COL21A1: variants seen among roughly 807,000 people sequenced by gnomAD.
COL21A1 encodes the protein collagen type XXI alpha 1 chain, also known as collagen alpha-1(XXI) chain.
A neutral mutation model predicts 137.9 loss-of-function variants in COL21A1; 149 were observed. The observed-to-expected ratio is 1.08, with a 90% CI of 0.95 to 1.24. COL21A1 has a LOEUF of 1.24. Ranked by LOEUF, COL21A1 falls within the 50% of genes most tolerant of loss-of-function variation. The probability of loss-of-function intolerance (pLI) is 0.00; values close to 1 mark genes in which losing one functional copy is unlikely to be tolerated. For missense variants in COL21A1, 1,167 were observed against 1,158.4 expected (o/e 1.01, Z -0.11); for synonymous variants, 456 against 391.5 (o/e 1.16, Z -1.95).
intron 27 of COL21A1, 40 bp from the exon 28 acceptor site, chr6:56,060,258 G>C: frequency 6.9e-7 from 1 of 1,443,982 alleles, no homozygotes; most frequent in African/African-American, 1.4e-5. Flanking sequence ...ATGTTTAAAT[G>C]GTGAGTTGGT....
At chr6:56,325,129 C>A (rs771965920) in intron 1 of COL21A1, among the ~76,000 whole-genome samples, 1 of 148,336 alleles carries the variant, frequency 6.7e-6, no homozygotes, top group Non-Finnish European at 1.5e-5. Context: ...CTTTATTCTA[C>A]ATGAAGCCTC....
At chr6:56,219,240 G>C (rs12193617) in intron 1 of COL21A1, among the ~76,000 whole-genome samples, 9,761 of 62,074 alleles carry the variant, frequency 0.16, 409 homozygotes, top group Middle Eastern at 0.26. Flanking sequence ...AAAAAAAAAA[G>C]GTCACGGTCA....
intron 25 of COL21A1, 157 bp from the exon 26 acceptor site, chr6:56,061,194 G>T: frequency 1.6e-6 from 1 of 636,612 alleles, no homozygotes; most frequent in Non-Finnish European, 2.6e-6. Context: ...GACCAGAAGG[G>T]AAATTTCATG....
intron 10 of COL21A1, among the ~76,000 whole-genome samples, chr6:56,153,329 C>T (rs991948448): frequency 4.6e-5 from 7 of 152,158 alleles, no homozygotes; most frequent in African/African-American, 1.7e-4. Flanking sequence ...ACTCTCCATC[C>T]AGGCCAAGCT....
chr6:56,124,087 C>A lies in COL21A1; in HGVS notation c.1733G>T (p.Gly578Val). The A allele has an allele frequency of 6.5e-7, 1 of 1,532,278 alleles. No individual in the cohort carries two copies. The highest frequency in any genetic ancestry group is 1.3e-5 in the South Asian group (1 of 79,274). 94.9% of individuals were successfully genotyped at this position (1,532,278 alleles called of 1,614,324 possible). A position where few individuals can be genotyped will look rare whatever the true frequency, so the allele number is the denominator to read the frequency against. ...CTTGAAACCGGGACTACCCATTAAT[C>A]CATCCTTTCCATGTCTTCCTGGTTC... ...AGEPGRHGKD[G>V]LMGSPGFKGE... The change falls in exon 16 of 30, where the codon GGA becomes GTA. Residue 578 changes from glycine (G) to valine (V), a missense_variant. By Grantham distance (109) the Gly-to-Val change is moderately radical. Transcript: ENST00000244728.
chr6:56,352,064 T>A (rs1379891350), intron 1 of COL21A1, among the ~76,000 whole-genome samples: 1 of 151,832 alleles, frequency 6.6e-6, no homozygotes, highest in East Asian at 1.9e-4. Context: ...AGCTCAGGAG[T>A]TCAAGACAGC....
chr6:56,079,478 C>T (rs1404981322), intron 17 of COL21A1, among the ~76,000 whole-genome samples: 1 of 151,602 alleles, frequency 6.6e-6, no homozygotes, highest in Non-Finnish European at 1.5e-5. Context: ...AGTTCACATC[C>T]TTTCCCTGGA....
chr6:56,155,049 C>A (rs926741823), intron 10 of COL21A1, among the ~76,000 whole-genome samples: 2 of 152,092 alleles, frequency 1.3e-5, no homozygotes, highest in African/African-American at 2.4e-5. Context: ...AGTTATTATT[C>A]CTGACCCTCT....
At chr6:56,314,604 G>A (rs1166790174) in intron 1 of COL21A1, among the ~76,000 whole-genome samples, 4 of 152,056 alleles carry the variant, frequency 2.6e-5, no homozygotes, top group Non-Finnish European at 5.9e-5. Flanking sequence ...TGAATTCAGT[G>A]ATCTTAAACT....
chr6:56,115,436 C>A (rs1771834358), intron 16 of COL21A1, among the ~76,000 whole-genome samples: 1 of 152,154 alleles, frequency 6.6e-6, no homozygotes, highest in African/African-American at 2.4e-5. Context: ...GGTACCTCTA[C>A]AAGTCTGCAA....
intron 1 of COL21A1, among the ~76,000 whole-genome samples, chr6:56,229,572 A>G (rs539263203): frequency 1.8e-4 from 28 of 152,042 alleles, no homozygotes; most frequent in African/African-American, 5.8e-4. Flanking sequence ...CCTTATAACA[A>G]CAAACATTTA....
intron 2 of COL21A1, 57 bp downstream of exon 2, chr6:56,182,474 T>C (rs1350475217): frequency 1.4e-5 from 16 of 1,177,580 alleles, no homozygotes; most frequent in Non-Finnish European, 2.0e-5. Flanking sequence ...ACTCCCCTAG[T>C]TTAATTTCCA....
At chr6:56,359,171 T>C (rs1482237497) in intron 1 of COL21A1, among the ~76,000 whole-genome samples, 1 of 152,234 alleles carries the variant, frequency 6.6e-6, no homozygotes, top group Non-Finnish European at 1.5e-5. Flanking sequence ...AGAATTTTTC[T>C]GATAATATTT....
At chr6:56,064,021 C>G (rs1184900013) in intron 24 of COL21A1, among the ~76,000 whole-genome samples, 1 of 152,104 alleles carries the variant, frequency 6.6e-6, no homozygotes, top group African/African-American at 2.4e-5. Flanking sequence ...ATGGCAATCT[C>G]ACTGAAACAT....
intron 1 of COL21A1, among the ~76,000 whole-genome samples, chr6:56,285,371 C>T (rs1355276357): frequency 6.6e-6 from 1 of 152,180 alleles, no homozygotes; most frequent in East Asian, 1.9e-4. Context: ...TTCTTTATTA[C>T]ATTAACTTCA....
intron 1 of COL21A1, among the ~76,000 whole-genome samples, chr6:56,275,900 C>T (rs1763635834): frequency 1.3e-5 from 2 of 152,156 alleles, no homozygotes; most frequent in Admixed American, 6.5e-5. Context: ...ATAAATCATT[C>T]TACCAAAAAT....
chr6:56,193,900 G>A (rs372090141), intron 1 of COL21A1, among the ~76,000 whole-genome samples: 4 of 151,974 alleles, frequency 2.6e-5, no homozygotes, highest in Non-Finnish European at 5.9e-5. Flanking sequence ...GACTACAGGC[G>A]TGCGACACCA....
intron 1 of COL21A1, among the ~76,000 whole-genome samples, chr6:56,336,067 GT>G (rs1171682619): frequency 6.6e-6 from 1 of 152,218 alleles, no homozygotes; most frequent in Non-Finnish European, 1.5e-5. Context: ...TGTGTGCTAA[GT>G]TCTTTGAGAA....
Position 56,179,653 on chromosome 6 carries a change from T to TA in COL21A1, c.564dup (p.Thr189TyrfsTer25), listed in dbSNP as rs1307723952. ...TAGTCTTCCACATAAAACACATAAG[T>TA]AGACGAAGGCTTGTTGGCAATAGCT... On this transcript the variant is annotated frameshift_variant, in exon 3 of 30. Coordinates refer to ENST00000244728, the MANE Select transcript of COL21A1 (RefSeq NM_030820.4). LOFTEE classifies it high-confidence loss of function. 2 of 1,613,814 alleles carry TA rather than the reference T, an allele frequency of 1.2e-6. No homozygotes were observed. The highest frequency in any genetic ancestry group is 1.7e-5 in the Admixed American group (1 of 59,960).
Sources: allele counts gnomAD v4.1 joint callset (sites outside exome capture counted in the v4.1 genomes callset), GRCh38; gene constraint gnomAD v4.1.1; transcripts MANE v1.5; gene names NCBI Gene and HGNC (gene_info 2026-07-23, HGNC 2026-07-21).